The following LRRTM4 variants were observed in gnomAD, a reference collection of about 807,000 sequenced individuals.
LRRTM4 encodes the protein leucine-rich repeat transmembrane neuronal protein 4.
LRRTM4 carries 25 observed loss-of-function variants against 47.6 expected under a neutral mutation model. The observed-to-expected ratio is 0.53, with a 90% CI of 0.38 to 0.73. The LOEUF is 0.73. LRRTM4 is among the 30% of genes least tolerant of loss of function. LRRTM4 has a pLI of 0.00. For missense variants in LRRTM4, 638 were observed against 713.4 expected, an observed-to-expected ratio of 0.89 and a Z score of 1.20; for synonymous variants, 311 against 269.5, an observed-to-expected ratio of 1.15 and a Z score of -1.51.
Position 77,518,757 on chromosome 2 carries a change from GAT to G in LRRTM4, c.1110_1111del (p.Arg370SerfsTer16). ...CTGGGGAGTTTGGGGCACCAGGTGT[GAT>G]CTTTCTGTGTTGACCACCTGGACTT... On this transcript the variant is annotated frameshift_variant, in exon 3 of 4. Coordinates refer to ENST00000409884, the MANE Select transcript of LRRTM4 (RefSeq NM_001134745.3). LOFTEE classifies it high-confidence loss of function. 6.2e-7 allele frequency: 1 copy of G among 1,613,306 alleles called. No homozygotes were observed. The highest frequency in any genetic ancestry group is 8.5e-7 in the Non-Finnish European group (1 of 1,179,584).
chr2:76,771,951 A>G (rs909661152), intron 3 of LRRTM4, among the ~76,000 whole-genome samples: 4 of 152,172 alleles, frequency 2.6e-5, no homozygotes, highest in East Asian at 1.9e-4. Flanking sequence ...GGGATAATAA[A>G]CCAAAATAGA....
At chr2:77,354,457 T>C (rs1671898278) in intron 3 of LRRTM4, among the ~76,000 whole-genome samples, 1 of 152,192 alleles carries the variant, frequency 6.6e-6, no homozygotes, top group Admixed American at 6.5e-5. Flanking sequence ...CTTCAGCGGT[T>C]AGTTTGAGTA....
At position 76,917,016 on chromosome 2, in the gene LRRTM4, A is replaced by T. The variant is rs1364750637; in HGVS notation, c.1552-168100T>A. On this transcript the variant is annotated intron_variant, in intron 3 of 3. Coordinates refer to ENST00000409884, the MANE Select transcript of LRRTM4 (RefSeq NM_001134745.3). ...TGTGTCCATATTATTTTCGGGGAGGATGTGCCATTTTGTAGGTGCCCTTTG... is the reference window on the plus strand; with the variant it reads ...TGTGTCCATATTATTTTCGGGGAGGTTGTGCCATTTTGTAGGTGCCCTTTG... 2.0e-5 allele frequency among the ~76,000 whole-genome samples: 3 copies of T among 151,996 alleles called. No individual in the cohort carries two copies. In the East Asian group the frequency reaches 5.8e-4, roughly 29 times the overall value.
chr2:76,904,250 GAGA>G (rs1368222519), intron 3 of LRRTM4, among the ~76,000 whole-genome samples: 4 of 152,206 alleles, frequency 2.6e-5, no homozygotes, highest in African/African-American at 4.8e-5. Flanking sequence ...TCTCTTTTAT[GAGA>G]AGAATAACAA....
intron 3 of LRRTM4, among the ~76,000 whole-genome samples, chr2:77,201,602 A>C (rs767170574): frequency 6.6e-6 from 1 of 152,142 alleles, no homozygotes; most frequent in Non-Finnish European, 1.5e-5. Context: ...TTTCAAGTAG[A>C]AAAGACTATA....
chr2:77,020,846 A>G (rs1423268989), intron 3 of LRRTM4, among the ~76,000 whole-genome samples: 2 of 152,208 alleles, frequency 1.3e-5, no homozygotes, highest in African/African-American at 4.8e-5. Flanking sequence ...AGACTAACCA[A>G]GGATCATTTT....
rs759835929 is a variant in LRRTM4, at chr2:77,518,652, G to A, written c.1217C>T (p.Pro406Leu). Residue 406 changes from proline (P) to leucine (L), a missense_variant, in exon 3 of 4, where the codon CCA becomes CTA. Transcript: ENST00000409884. Reference protein sequence around the residue: ...QSTFETPSPSPGFQIPGAEQE... With the variant: ...QSTFETPSPSLGFQIPGAEQE... ...CTCTGCGCCAGGAATCTGAAACCCTGGGGAAGGGCTTGGTGTTTCAAAGGT... is the reference window on the plus strand; with the variant it reads ...CTCTGCGCCAGGAATCTGAAACCCTAGGGAAGGGCTTGGTGTTTCAAAGGT... The A allele has an allele frequency of 6.2e-7, 1 of 1,613,438 alleles. No individual in the cohort carries two copies. Among genetic ancestry groups the A allele is most frequent in the South Asian group, 1.1e-5 (1 of 91,080 alleles).
rs189985918 is a variant in LRRTM4 at position 76,780,128 on chromosome 2, T to G, written c.1552-31212A>C. ...GGCTTGCAGGGTTTCTGCCGAGAGATCCGCTGTTAGTCTGATGGGCTTCCC... is the reference window on the plus strand; with the variant it reads ...GGCTTGCAGGGTTTCTGCCGAGAGAGCCGCTGTTAGTCTGATGGGCTTCCC... On this transcript the variant is annotated intron_variant, in intron 3 of 3. Coordinates refer to ENST00000409884, the MANE Select transcript of LRRTM4 (RefSeq NM_001134745.3). Among the ~76,000 whole-genome samples the G allele has an allele frequency of 9.9e-3, 1,502 of 152,324 alleles. 30 individuals are homozygous for G. Among genetic ancestry groups the G allele is most frequent in the African/African-American group, 0.034 (1,394 of 41,576 alleles).
chr2:77,118,448 C>T (rs1041134262), intron 3 of LRRTM4, among the ~76,000 whole-genome samples: 24 of 151,822 alleles, frequency 1.6e-4, no homozygotes, highest in Admixed American at 1.4e-3. Context: ...TAAGAGTTGA[C>T]GGGGACACAT....
chr2:77,251,160 CATATAT>C (rs1226322401), intron 3 of LRRTM4, among the ~76,000 whole-genome samples: 64 of 36,474 alleles, frequency 1.8e-3, no homozygotes, highest in Non-Finnish European at 3.7e-3. Context: ...TGTATATATA[CATATAT>C]ATGTGTGTGT....
chr2:77,111,283 ATTTTTT>A (rs71381260), intron 3 of LRRTM4, among the ~76,000 whole-genome samples: 3 of 113,168 alleles, frequency 2.7e-5, no homozygotes, highest in African/African-American at 7.2e-5. Flanking sequence ...ACACCTGGCT[ATTTTTT>A]TTTTTTTTTT....
At chr2:76,956,171 C>A (rs1675669242) in intron 3 of LRRTM4, among the ~76,000 whole-genome samples, 1 of 151,640 alleles carries the variant, frequency 6.6e-6, no homozygotes, top group East Asian at 2.0e-4. Context: ...AATAGAGGTG[C>A]CTCCAGGAAA....
chr2:76,969,357 G>A (rs1269199646), intron 3 of LRRTM4, among the ~76,000 whole-genome samples: 1 of 151,846 alleles, frequency 6.6e-6, no homozygotes, highest in Non-Finnish European at 1.5e-5. Context: ...CGGACATGGA[G>A]ACGGAAAAAT....
rs567846278 is a variant in LRRTM4, at chr2:77,093,588, TC to T, written c.1552-344673del. On this transcript the variant is annotated intron_variant, in intron 3 of 3. Transcript: ENST00000409884. ...CATCGCCCATTCTCTCTCCATACCA[TC>T]CCCCCAAAAATTTTCGCTGCCCCAA... Among the ~76,000 whole-genome samples the T allele has an allele frequency of 7.3e-3, 1,102 of 151,362 alleles. 32 individuals carry two copies. The highest frequency in any genetic ancestry group is 0.025 in the African/African-American group (1,039 of 41,000).
intron 3 of LRRTM4, among the ~76,000 whole-genome samples, chr2:77,415,799 G>C (rs562154449): frequency 2.0e-5 from 3 of 152,052 alleles, no homozygotes; most frequent in Non-Finnish European, 4.4e-5. Flanking sequence ...AATTCCTTGA[G>C]AGCAGAGGTA....
chr2:76,801,110 C>A (rs1212204693), intron 3 of LRRTM4, among the ~76,000 whole-genome samples: 1 of 151,944 alleles, frequency 6.6e-6, no homozygotes, highest in Non-Finnish European at 1.5e-5. Context: ...TGTGGCGATT[C>A]CTCAGGGATC....
intron 3 of LRRTM4, among the ~76,000 whole-genome samples, chr2:77,128,701 G>A (rs947282626): frequency 3.9e-5 from 6 of 152,096 alleles, no homozygotes; most frequent in Admixed American, 3.3e-4. Flanking sequence ...GTGCAATGGC[G>A]TGATCTCAGC....
At chr2:77,156,961 C>G (rs558522256) in intron 3 of LRRTM4, among the ~76,000 whole-genome samples, 14 of 151,266 alleles carry the variant, frequency 9.3e-5, no homozygotes, top group African/African-American at 3.4e-4. Flanking sequence ...TGAAATATTT[C>G]ATAATAACCT....
intron 3 of LRRTM4, among the ~76,000 whole-genome samples, chr2:77,434,447 T>TAA (rs35369430): frequency 2.8e-5 from 4 of 144,972 alleles, no homozygotes; most frequent in Admixed American, 6.9e-5. Context: ...CTTGATCTGT[T>TAA]AAAAAAAAAA....
Sources: allele counts gnomAD v4.1 joint callset (sites outside exome capture counted in the v4.1 genomes callset), GRCh38; gene constraint gnomAD v4.1.1; transcripts MANE v1.5; gene names NCBI Gene and HGNC (gene_info 2026-07-23, HGNC 2026-07-21).